The following TIMP3 variants were observed in gnomAD, a reference collection of about 807,000 sequenced individuals.
TIMP3 encodes metalloproteinase inhibitor 3.
TIMP3 carries 11 observed loss-of-function variants against 30.0 expected under a neutral mutation model. The observed-to-expected ratio is 0.37, with a 90% CI of 0.23 to 0.61. The LOEUF is 0.61. Ranked by LOEUF, TIMP3 falls within the 20% of genes least tolerant of loss-of-function variation. TIMP3 has a pLI of 0.70. For synonymous variants in TIMP3, 112 were observed against 111.3 expected (o/e 1.01, Z -0.04); for missense variants, 181 against 276.8 (o/e 0.65, Z 2.45).
chr22:32,854,777 G>C lies in TIMP3; in HGVS notation c.205-2472G>C, dbSNP rs1474401115. 2.0e-5 allele frequency among the ~76,000 whole-genome samples: 3 copies of C among 152,298 alleles called. No individual in the cohort carries two copies. In the East Asian group the frequency reaches 5.8e-4, roughly 29 times the overall value. ...TTCCAGCACTTGGCTGCGTTACCGT[G>C]CTCAGTTGGCAAGCCTTGGGGGAGA... On this transcript the variant is annotated intron_variant, in intron 2 of 4. Transcript: ENST00000266085.
At chr22:32,841,695 A>AG (rs130304) in intron 1 of TIMP3, among the ~76,000 whole-genome samples, 151,555 of 151,556 alleles carry the variant, frequency 1, 75,777 homozygotes, top group Middle Eastern at 1. Context: ...TGGGTGGGGT[A>AG]GGGGAGGGAG....
At position 32,802,053 on chromosome 22, in the gene TIMP3, G is replaced by C. The variant is rs1324470172; in HGVS notation, c.52G>C (p.Asp18His). The change falls in exon 1 of 5, where the codon GAC becomes CAC. Residue 18 changes from aspartate to histidine, a missense_variant. Asp to His is a moderately conservative substitution (Grantham distance 81, BLOSUM62 -1). Coordinates refer to ENST00000266085, the MANE Select transcript of TIMP3 (RefSeq NM_000362.5). ...IVLLGSWSLG[D>H]WGAEACTCSP... ...GCTCCTGGGCAGCTGGAGCCTGGGG[G>C]ACTGGGGCGCCGAGGCGTGCACATG... is the stretch of plus-strand genomic sequence containing the variant. 1 of 1,577,050 alleles carries C rather than the reference G, an allele frequency of 6.3e-7. No homozygotes were observed. The highest frequency in any genetic ancestry group is 8.6e-7 in the Non-Finnish European group (1 of 1,166,300).
At chr22:32,825,143 G>A (rs1049787765) in intron 1 of TIMP3, among the ~76,000 whole-genome samples, 1 of 152,130 alleles carries the variant, frequency 6.6e-6, no homozygotes, top group Non-Finnish European at 1.5e-5. Flanking sequence ...GCAGTGGGTG[G>A]GAGGACTTGG....
At chr22:32,832,003 T>C (rs537356171) in intron 1 of TIMP3, among the ~76,000 whole-genome samples, 6 of 152,286 alleles carry the variant, frequency 3.9e-5, no homozygotes, top group African/African-American at 1.4e-4. Context: ...AGATCAGCAA[T>C]GTCCCACTAG....
intron 3 of TIMP3, among the ~76,000 whole-genome samples, chr22:32,857,649 C>T (rs187524114): frequency 4.3e-4 from 65 of 152,326 alleles, no homozygotes; most frequent in Middle Eastern, 3.4e-3. Context: ...CTCCACCTCA[C>T]ACTCGACCTG....
chr22:32,810,282 T>C (rs2046882030), intron 1 of TIMP3, among the ~76,000 whole-genome samples: 1 of 152,152 alleles, frequency 6.6e-6, no homozygotes, highest in African/African-American at 2.4e-5. Flanking sequence ...TAGGATGGCT[T>C]TGCTGTCACA....
Position 32,801,867 on chromosome 22 carries a change from A to T in TIMP3, c.-135A>T. On this transcript the variant is annotated 5_prime_UTR_variant, in exon 1 of 5. Transcript: ENST00000266085. This position sits in a 1 kb window ranked among gnomAD's most constrained non-coding sequence, Gnocchi z 4.7. ...CCGTCCCGCCGGGCACTCGGAGGGC[A>T]GCGCGCCGGAGGCCAAGGTTGCCCC... 8.7e-7 allele frequency: 1 copy of T among 1,146,882 alleles called. No individual in the cohort carries two copies. The highest frequency in any genetic ancestry group is 1.1e-6 in the Non-Finnish European group (1 of 908,380). The allele number at this position is 1,146,882 out of a possible 1,614,324, so 71.0% of individuals were successfully genotyped here.
At chr22:32,814,313 G>C (rs866280634) in intron 1 of TIMP3, among the ~76,000 whole-genome samples, 1,175 of 39,538 alleles carry the variant, frequency 0.03, 13 homozygotes, top group African/African-American at 0.12. Flanking sequence ...GAGAGAGAGA[G>C]AGACAGAAAG....
intron 1 of TIMP3, among the ~76,000 whole-genome samples, chr22:32,817,114 A>T (rs2047107371): frequency 6.6e-6 from 1 of 151,570 alleles, no homozygotes; most frequent in African/African-American, 2.4e-5. Context: ...GTTACTCTTG[A>T]GGCTTAGGTG....
In TIMP3 at chr22:32,857,372, C is replaced by T. The variant is rs1022241857; in HGVS notation, c.316+12C>T. ...GTACCTGCTGACAGGTAATGGCCAA[C>T]TCTAGCTTCTAGGCCAGGGTTTGGC... On this transcript the variant is annotated intron_variant, in intron 3 of 4. Coordinates refer to ENST00000266085, the MANE Select transcript of TIMP3 (RefSeq NM_000362.5). 2.4e-5 allele frequency: 39 copies of T among 1,603,402 alleles called. No homozygotes were observed. Among genetic ancestry groups the T allele is most frequent in the East Asian group, 1.8e-4 (8 of 44,796 alleles).
At chr22:32,851,378 T>C (rs116357066) in intron 2 of TIMP3, among the ~76,000 whole-genome samples, 1,965 of 152,196 alleles carry the variant, frequency 0.013, 36 homozygotes, top group African/African-American at 0.045. Flanking sequence ...CCAGAGGCCC[T>C]TCCTGTGGAC....
chr22:32,842,279 T>C (rs2047932070), intron 1 of TIMP3, among the ~76,000 whole-genome samples: 1 of 152,180 alleles, frequency 6.6e-6, no homozygotes, highest in Non-Finnish European at 1.5e-5. Context: ...GAGGGTTTTT[T>C]TGGGAGTTGG....
At chr22:32,853,887 A>T (rs1342630102) in intron 2 of TIMP3, among the ~76,000 whole-genome samples, 1 of 152,210 alleles carries the variant, frequency 6.6e-6, no homozygotes, top group Non-Finnish European at 1.5e-5. Context: ...GTAACTTTCC[A>T]AGTGGCGAAC....
chr22:32,813,924 G>A (rs888662485), intron 1 of TIMP3, among the ~76,000 whole-genome samples: 1 of 152,126 alleles, frequency 6.6e-6, no homozygotes, highest in African/African-American at 2.4e-5. Flanking sequence ...CTGGCATGTA[G>A]TAAGGACCTG....
At chr22:32,849,393 C>G in intron 1 of TIMP3, 59 bp from the exon 2 acceptor site, 1 of 1,501,822 alleles carries the variant, frequency 6.7e-7, no homozygotes, top group Non-Finnish European at 9.2e-7. Flanking sequence ...CCCTGAGATG[C>G]TGTTCCTGAT....
Position 32,848,974 on chromosome 22 carries a change from T to C in TIMP3, c.122-478T>C, listed in dbSNP as rs145376781. Among the ~76,000 whole-genome samples, 17 of 152,230 alleles carry C rather than the reference T, an allele frequency of 1.1e-4. No homozygotes were observed. In the East Asian group the frequency reaches 3.1e-3, roughly 28 times the overall value. ...GAAGCTAGGGTGCACCACAACCCTG[T>C]AGACATGTCAAGATGTGGTGAATTA... On this transcript the variant is annotated intron_variant, in intron 1 of 4. Transcript: ENST00000266085.
chr22:32,808,822 C>G (rs1453890392), intron 1 of TIMP3, among the ~76,000 whole-genome samples: 2 of 152,204 alleles, frequency 1.3e-5, no homozygotes, highest in African/African-American at 4.8e-5. Flanking sequence ...CCCAAATTCT[C>G]CAAAGCTGCA....
chr22:32,838,700 T>G (rs1319382984), intron 1 of TIMP3, among the ~76,000 whole-genome samples: 3 of 151,912 alleles, frequency 2.0e-5, no homozygotes, highest in African/African-American at 4.8e-5. Flanking sequence ...TCTGAGTAAC[T>G]CTATGGAACA....
At chr22:32,842,049 G>C (rs150590246) in intron 1 of TIMP3, among the ~76,000 whole-genome samples, 20 of 152,238 alleles carry the variant, frequency 1.3e-4, no homozygotes, top group South Asian at 4.2e-4. Flanking sequence ...GAGAGGTTAG[G>C]GGGGAGGCTG....
Sources: gnomAD v4.1 joint callset for allele counts (sites outside exome capture counted in the v4.1 genomes callset) on GRCh38, gnomAD v4.1.1 for gene constraint, Gnocchi (gnomAD v3.1) non-coding constraint, MANE v1.5 for transcripts, NCBI Gene and HGNC (gene_info 2026-07-23, HGNC 2026-07-21) for gene names.